TTC28: variants seen among roughly 807,000 people sequenced by gnomAD.
The protein encoded by TTC28 is tetratricopeptide repeat protein 28.
In TTC28, 61 loss-of-function variants were observed where a neutral mutation model predicts 198.0. The ratio of observed to expected loss-of-function variants is 0.31; its 90% CI spans 0.25 to 0.38. TTC28 has a LOEUF of 0.38. TTC28 is among the 10% of genes least tolerant of loss of function. The pLI is 1.00. For missense variants in TTC28, 2,678 were observed against 3,164.0 expected (o/e 0.85, Z 3.69); for synonymous variants, 1,171 against 1,297.8 (o/e 0.90, Z 2.10).
intron 22 of TTC28, among the ~76,000 whole-genome samples, 193 bp downstream of exon 22, chr22:27,985,056 C>T (rs1330614818): frequency 2.0e-5 from 3 of 152,356 alleles, no homozygotes; most frequent in East Asian, 1.9e-4. Context: ...GCACCTCATA[C>T]ATTGCAAGTT....
rs1240361946 is a variant in TTC28 at position 28,001,428 on chromosome 22, C to T, written c.4344G>A (p.Glu1448=). 16 of 1,551,452 alleles carry T rather than the reference C, an allele frequency of 1.0e-5. No individual in the cohort carries two copies. Among genetic ancestry groups the T allele is most frequent in the Non-Finnish European group, 1.4e-5 (16 of 1,146,970 alleles). ...KGSSSNEYLY[E]RFGLLAVPSI... ...AAGGGACAGCAAGGAGGCCGAAGCG[C>T]TCGTAGAGGTACTCATTGGAGGAGC... Residue 1448 remains glutamate, a synonymous_variant, in exon 15 of 23, where the codon GAG becomes GAA. Coordinates refer to ENST00000397906, the MANE Select transcript of TTC28 (RefSeq NM_001145418.2).
Position 28,108,545 on chromosome 22 carries a change from A to G in TTC28, c.1442-142T>C, listed in dbSNP as rs1942393243. ...TTAAAATAACAGAAGGTAGAATTAAATATTTATCAGCTCTCCACAGAGAGG... is the reference window on the plus strand; with the variant it reads ...TTAAAATAACAGAAGGTAGAATTAAGTATTTATCAGCTCTCCACAGAGAGG... On this transcript the variant is annotated intron_variant, in intron 6 of 22. Transcript: ENST00000397906. 6 of 725,070 alleles carry G rather than the reference A, an allele frequency of 8.3e-6. No homozygotes were observed. In the Admixed American group the frequency reaches 1.9e-4, roughly 23 times the overall value. 44.9% of individuals were successfully genotyped at this position (725,070 alleles called of 1,614,324 possible). A position where few individuals can be genotyped will look rare whatever the true frequency, so the allele number is the denominator to read the frequency against.
chr22:28,605,765 T>C (rs1286609785), intron 2 of TTC28, among the ~76,000 whole-genome samples: 2 of 152,182 alleles, frequency 1.3e-5, no homozygotes, highest in African/African-American at 4.8e-5. Flanking sequence ...TATGTGTAAA[T>C]TGCCAGAGAA....
intron 1 of TTC28, among the ~76,000 whole-genome samples, chr22:28,641,503 T>C (rs973551141): frequency 3.3e-5 from 5 of 152,050 alleles, no homozygotes; most frequent in African/African-American, 1.2e-4. Flanking sequence ...TGTCAGAGGA[T>C]GGAAGGAGAG....
chr22:28,159,880 C>T (rs912300541), intron 6 of TTC28, among the ~76,000 whole-genome samples: 3 of 152,054 alleles, frequency 2.0e-5, no homozygotes, highest in Admixed American at 6.6e-5. Flanking sequence ...TACTATTCAG[C>T]CATAGAAAAA....
intron 2 of TTC28, among the ~76,000 whole-genome samples, chr22:28,484,099 G>A (rs2048287154): frequency 6.6e-6 from 1 of 151,526 alleles, no homozygotes; most frequent in Non-Finnish European, 1.5e-5. Flanking sequence ...TTTTTATTTT[G>A]GGGGTTTGTT....
intron 1 of TTC28, among the ~76,000 whole-genome samples, chr22:28,638,143 C>G (rs1404032637): frequency 6.6e-6 from 1 of 152,108 alleles, no homozygotes; most frequent in African/African-American, 2.4e-5. Context: ...ATGGACAGAT[C>G]ATCCAGACAG....
chr22:28,166,444 T>G (rs1921967087), intron 5 of TTC28, among the ~76,000 whole-genome samples: 1 of 152,164 alleles, frequency 6.6e-6, no homozygotes, highest in Admixed American at 6.5e-5. Context: ...CCTCAGCAAA[T>G]GTAAAAGAAC....
At chr22:28,183,873 C>G (rs903335180) in intron 5 of TTC28, among the ~76,000 whole-genome samples, 2 of 152,066 alleles carry the variant, frequency 1.3e-5, no homozygotes, top group Admixed American at 6.6e-5. Context: ...CATTTTAAAA[C>G]ATAGTACTAT....
intron 1 of TTC28, among the ~76,000 whole-genome samples, chr22:28,631,627 C>T (rs1175274476): frequency 6.6e-6 from 1 of 152,008 alleles, no homozygotes; most frequent in African/African-American, 2.4e-5. Flanking sequence ...TGGACTCAAG[C>T]AGTCTTCCCA....
At chr22:28,011,974 A>G (rs1569082251) in intron 14 of TTC28, among the ~76,000 whole-genome samples, 1 of 152,194 alleles carries the variant, frequency 6.6e-6, no homozygotes, top group Non-Finnish European at 1.5e-5. Context: ...GAGAAATGCA[A>G]AGGGAGACAG....
At chr22:28,335,341 C>A (rs2045693431) in intron 2 of TTC28, among the ~76,000 whole-genome samples, 1 of 152,134 alleles carries the variant, frequency 6.6e-6, no homozygotes, top group South Asian at 2.1e-4. Flanking sequence ...AATGCGGGCT[C>A]TTTTTTGGTT....
intron 2 of TTC28, among the ~76,000 whole-genome samples, chr22:28,491,707 C>A (rs1331821694): frequency 6.6e-6 from 1 of 152,102 alleles, no homozygotes. Flanking sequence ...TGTGGTGATT[C>A]CTCAGGGATC....
At chr22:28,590,268 C>G (rs1373418022) in intron 2 of TTC28, among the ~76,000 whole-genome samples, 1 of 151,558 alleles carries the variant, frequency 6.6e-6, no homozygotes, top group South Asian at 2.1e-4. Flanking sequence ...GCTGGGACTA[C>G]AGGCGCCCAC....
At chr22:28,591,521 A>T (rs1035345948) in intron 2 of TTC28, among the ~76,000 whole-genome samples, 8 of 152,162 alleles carry the variant, frequency 5.3e-5, no homozygotes, top group Non-Finnish European at 8.8e-5. Flanking sequence ...TAAGTGACTC[A>T]GCTGGTAAAT....
At chr22:28,061,999 T>G (rs192327838) in intron 12 of TTC28, among the ~76,000 whole-genome samples, 44 of 152,326 alleles carry the variant, frequency 2.9e-4, no homozygotes, top group Admixed American at 2.0e-3. Flanking sequence ...GGGAGTTCAC[T>G]CATGATTTGG....
chr22:28,428,114 G>A (rs1278428908), intron 2 of TTC28, among the ~76,000 whole-genome samples: 1 of 147,270 alleles, frequency 6.8e-6, no homozygotes, highest in African/African-American at 2.5e-5. Context: ...AAAGAACATC[G>A]TACCGTAAGA....
chr22:28,024,593 G>A (rs955110056), intron 13 of TTC28, among the ~76,000 whole-genome samples: 1 of 152,226 alleles, frequency 6.6e-6, no homozygotes, highest in African/African-American at 2.4e-5. Context: ...CCTGTCCCAG[G>A]TGGGTGGTAA....
chr22:28,216,724 G>GA (rs1427362694), intron 5 of TTC28, among the ~76,000 whole-genome samples: 2 of 151,894 alleles, frequency 1.3e-5, no homozygotes, highest in South Asian at 4.2e-4. Context: ...TTTTTAGTTT[G>GA]AAAAAAAATT....
Sources: allele counts gnomAD v4.1 joint callset (sites outside exome capture counted in the v4.1 genomes callset), GRCh38; gene constraint gnomAD v4.1.1; transcripts MANE v1.5; gene names NCBI Gene and HGNC (gene_info 2026-07-23, HGNC 2026-07-21).